PDE6C: variants seen among roughly 807,000 people sequenced by gnomAD.
PDE6C encodes the protein phosphodiesterase 6C.
PDE6C carries 75 observed loss-of-function variants against 113.1 expected under a neutral mutation model. The observed-to-expected ratio is 0.66, with a 90% CI of 0.55 to 0.80. The LOEUF (loss-of-function observed/expected upper bound fraction) is 0.80, where lower values mean the gene tolerates loss of function less well. Ranked by LOEUF, PDE6C falls within the 30% of genes least tolerant of loss-of-function variation. The pLI is 0.00. For missense variants in PDE6C, 912 were observed against 1,038.6 expected (o/e 0.88, Z 1.67); for synonymous variants, 375 against 363.7 (o/e 1.03, Z -0.35).
intron 14 of PDE6C, among the ~76,000 whole-genome samples, 192 bp from the exon 15 acceptor site, chr10:93,645,768 G>GTTT (rs3085187): frequency 5.7e-4 from 86 of 149,704 alleles, no homozygotes; most frequent in African/African-American, 1.6e-3. Context: ...ACAAATTAAG[G>GTTT]TTTTTTTTTT....
chr10:93,665,067 C>A (rs956949074), intron 21 of PDE6C, among the ~76,000 whole-genome samples: 1 of 152,098 alleles, frequency 6.6e-6, no homozygotes, highest in African/African-American at 2.4e-5. Flanking sequence ...CAGGGTTTCA[C>A]CATATTGACC....
In PDE6C at chr10:93,635,498, C is replaced by G. The variant is rs2058523973; in HGVS notation, c.1271C>G (p.Thr424Ser). ...FDEHDEYITE[T>S]LTQFLGWSLL... is the part of the protein sequence containing the mutation. ...AGAATCACCTTTTATCCATTTCAGA[C>G]TCTCACACAATTTCTTGGATGGTCT... The change falls in exon 10 of 22, where the codon ACT becomes AGT. Residue 424 changes from threonine to serine, a missense_variant and splice_region_variant. Coordinates refer to ENST00000371447, the MANE Select transcript of PDE6C (RefSeq NM_006204.4). 2 of 1,610,780 alleles carry G rather than the reference C, an allele frequency of 1.2e-6. No individual in the cohort carries two copies. Among genetic ancestry groups the G allele is most frequent in the Non-Finnish European group, 1.7e-6 (2 of 1,177,116 alleles).
Position 93,621,822 on chromosome 10 carries a change from T to G in PDE6C, c.724-110T>G, listed in dbSNP as rs1038138784. Reference sequence around the variant, plus strand: ...TCAAAATCAGAATTGCACTTTCCAATGATATGCATTTATTTTATTTGATGC... The same window carrying G: ...TCAAAATCAGAATTGCACTTTCCAAGGATATGCATTTATTTTATTTGATGC... On this transcript the variant is annotated intron_variant, in intron 3 of 21. Transcript: ENST00000371447. 26 of 983,936 alleles carry G rather than the reference T, an allele frequency of 2.6e-5. No homozygotes were observed. In the Admixed American group the frequency reaches 3.2e-4, roughly 12 times the overall value. The allele number at this position is 983,936 out of a possible 1,614,324, so 61.0% of individuals were successfully genotyped here. A position where few individuals can be genotyped will look rare whatever the true frequency, so the allele number is the denominator to read the frequency against.
intron 14 of PDE6C, among the ~76,000 whole-genome samples, chr10:93,642,254 C>A (rs2058563687): frequency 6.6e-6 from 1 of 152,086 alleles, no homozygotes; most frequent in African/African-American, 2.4e-5. Flanking sequence ...GTCTCAGCTA[C>A]TTGAGAGGGT....
rs1304143448 is a variant in PDE6C at position 93,637,061 on chromosome 10, T to G, written c.1480T>G (p.Leu494Val). 1 of 1,567,500 alleles carries G rather than the reference T, an allele frequency of 6.4e-7. No individual in the cohort carries two copies. Among genetic ancestry groups the G allele is most frequent in the Admixed American group, 1.7e-5 (1 of 59,882 alleles). ...DCEEKQLVAI[L>V]KEDLPDPRSA... ...TGAAGAAAAACAACTTGTTGCAATT[T>G]TGGTAAGTGTTTTCTTTCTAACCTT... The change falls in exon 11 of 22, where the codon TTG becomes GTG. Residue 494 changes from leucine (L) to valine (V), a missense_variant and splice_region_variant. Coordinates refer to ENST00000371447, the MANE Select transcript of PDE6C (RefSeq NM_006204.4).
At chr10:93,633,434 C>A (rs2058511434) in intron 8 of PDE6C, among the ~76,000 whole-genome samples, 1 of 146,734 alleles carries the variant, frequency 6.8e-6, no homozygotes, top group Admixed American at 7.0e-5. Context: ...CCGTTGTACT[C>A]CAGCCTGGGT....
At chr10:93,625,076 C>T (rs1230798389) in intron 4 of PDE6C, among the ~76,000 whole-genome samples, 12 of 152,302 alleles carry the variant, frequency 7.9e-5, no homozygotes, top group Non-Finnish European at 1.8e-4. Context: ...CTGATCTAGG[C>T]ACCTCATGTA....
chr10:93,626,741 T>A, intron 6 of PDE6C, 37 bp downstream of exon 6: 1 of 1,602,452 alleles, frequency 6.2e-7, no homozygotes, highest in South Asian at 1.1e-5. Context: ...GCAGTTGCCG[T>A]TGTATTTTTG....
chr10:93,665,450 AT>A lies in PDE6C; in HGVS notation c.*36del. 1 of 1,363,858 alleles carries A rather than the reference AT, an allele frequency of 7.3e-7. No individual in the cohort carries two copies. The highest frequency in any genetic ancestry group is 1.1e-6 in the Non-Finnish European group (1 of 952,080). The allele number at this position is 1,363,858 out of a possible 1,614,324, so 84.5% of individuals were successfully genotyped here. ...CTAACTGGTCTAAACTTCAAATATC[AT>A]TTTACCTTTGAAGAAAACCAGAAAA... On this transcript the variant is annotated 3_prime_UTR_variant, in exon 22 of 22. Coordinates refer to ENST00000371447, the MANE Select transcript of PDE6C (RefSeq NM_006204.4).
intron 11 of PDE6C, among the ~76,000 whole-genome samples, chr10:93,638,230 G>A (rs568090919): frequency 1.9e-4 from 27 of 145,274 alleles, no homozygotes; most frequent in South Asian, 1.8e-3. Context: ...AAGACACATC[G>A]ACTATCTCAC....
Position 93,612,969 on chromosome 10 carries a change from A to C in PDE6C, c.244A>C (p.Arg82=). ...GGGCACCCCAGAGCAGGGGGTTCAC[A>C]GGGCCCTGCAGAGGCTGGCCCACCT... The part of the protein sequence containing the change: ...EGGTPEQGVH[R]ALQRLAHLLQ... The change falls in exon 1 of 22, where the codon AGG becomes CGG. Residue 82 remains arginine, a synonymous_variant. Coordinates refer to ENST00000371447, the MANE Select transcript of PDE6C (RefSeq NM_006204.4). 1 of 1,613,974 alleles carries C rather than the reference A, an allele frequency of 6.2e-7. No homozygotes were observed. The highest frequency in any genetic ancestry group is 8.5e-7 in the Non-Finnish European group (1 of 1,179,936).
intron 1 of PDE6C, among the ~76,000 whole-genome samples, chr10:93,613,931 A>G (rs947225547): frequency 6.6e-6 from 1 of 152,252 alleles, no homozygotes; most frequent in Non-Finnish European, 1.5e-5. Context: ...AGGCATTGAG[A>G]TGCCCCTTAT....
chr10:93,613,541 A>G (rs1312110613), intron 1 of PDE6C, among the ~76,000 whole-genome samples: 1 of 151,936 alleles, frequency 6.6e-6, no homozygotes, highest in East Asian at 1.9e-4. Context: ...GCTCTGGGGG[A>G]CTTTCCTTCT....
rs752478645 is a variant in PDE6C at position 93,620,688 on chromosome 10, G to T, written c.537G>T (p.Leu179=). The T allele has an allele frequency of 2.4e-5, 38 of 1,614,020 alleles. No individual in the cohort carries two copies. Among genetic ancestry groups the T allele is most frequent in the Non-Finnish European group, 2.7e-5 (32 of 1,180,000 alleles). Residue 179 remains leucine (L), a synonymous_variant, in exon 2 of 22, where the codon CTG becomes CTT. Coordinates refer to ENST00000371447, the MANE Select transcript of PDE6C (RefSeq NM_006204.4). ...AAACTGGGTATGTCACTAAGAACCT[G>T]CTGGCAACCCCGATCGTGGTGGGCA... ...DKQTGYVTKN[L]LATPIVVGKE...
rs1416241436 is a variant in PDE6C, at chr10:93,613,051, A to T, written c.326A>T (p.Glu109Val). Residue 109 changes from glutamate to valine, a missense_variant, in exon 1 of 22, where the codon GAG (glutamate) becomes GTG (valine). Coordinates refer to ENST00000371447, the MANE Select transcript of PDE6C (RefSeq NM_006204.4). ...TGCCGGTCCCGGAACGGCATACCTG[A>T]GGTGGCCTCTAGGTTGCTGGATGTC... The part of the protein sequence containing the change: ...FLCRSRNGIP[E>V]VASRLLDVTP... 8 of 1,614,046 alleles carry T rather than the reference A, an allele frequency of 5.0e-6. No homozygotes were observed. The highest frequency in any genetic ancestry group is 6.8e-6 in the Non-Finnish European group (8 of 1,180,036).
chr10:93,655,626 A>AAAAG, intron 15 of PDE6C, 134 bp from the exon 16 acceptor site: 5 of 557,018 alleles, frequency 9.0e-6, no homozygotes, highest in East Asian at 3.2e-5. Flanking sequence ...AAAAAAAAAA[A>AAAAG]AAGGAAGGAA....
intron 16 of PDE6C, among the ~76,000 whole-genome samples, chr10:93,658,350 A>T (rs2058650399): frequency 6.6e-6 from 1 of 152,120 alleles, no homozygotes; most frequent in Non-Finnish European, 1.5e-5. Context: ...ATTAGTAGTG[A>T]GACCAGCTGG....
chr10:93,659,884 T>C (rs2058658253), intron 18 of PDE6C, among the ~76,000 whole-genome samples: 3 of 152,234 alleles, frequency 2.0e-5, no homozygotes. Context: ...TCCTATAGTC[T>C]CTTCTTCAAT....
At chr10:93,630,451 C>A (rs573052414) in intron 8 of PDE6C, among the ~76,000 whole-genome samples, 63 of 151,794 alleles carry the variant, frequency 4.2e-4, no homozygotes, top group African/African-American at 1.5e-3. Context: ...TCCCTCCTCA[C>A]CTGTCATCTC....
Sources: allele counts gnomAD v4.1 joint callset (sites outside exome capture counted in the v4.1 genomes callset), GRCh38; gene constraint gnomAD v4.1.1; transcripts MANE v1.5; gene names NCBI Gene and HGNC (gene_info 2026-07-23, HGNC 2026-07-21).